The following ADAM23 variants were observed in gnomAD, a reference collection of about 807,000 sequenced individuals.
ADAM23 encodes the protein disintegrin and metalloproteinase domain-containing protein 23.
A neutral mutation model predicts 120.1 loss-of-function variants in ADAM23; 33 were observed. That is an observed-to-expected ratio of 0.27 (90% CI 0.21 to 0.37). The LOEUF is 0.37. Ranked by LOEUF, ADAM23 falls within the 10% of genes least tolerant of loss-of-function variation. The pLI is 1.00. For synonymous variants in ADAM23, 367 were observed against 375.2 expected (o/e 0.98, Z 0.25); for missense variants, 862 against 1,058.2 (o/e 0.81, Z 2.57).
At chr2:206,548,461 C>A in intron 8 of ADAM23, 107 bp downstream of exon 8, 2 of 1,082,250 alleles carry the variant, frequency 1.8e-6, no homozygotes, top group Non-Finnish European at 2.7e-6. Flanking sequence ...ATTTTGGGGA[C>A]TGTTGTTTAA....
intron 22 of ADAM23, 97 bp from the exon 23 acceptor site, chr2:206,594,640 T>G: frequency 7.2e-7 from 1 of 1,397,648 alleles, no homozygotes; most frequent in South Asian, 1.3e-5. Flanking sequence ...CCACATCCAC[T>G]GACAGCCTCT....
At chr2:206,557,119 A>C (rs1697661034) in intron 9 of ADAM23, among the ~76,000 whole-genome samples, 1 of 152,026 alleles carries the variant, frequency 6.6e-6, no homozygotes, top group Non-Finnish European at 1.5e-5. Flanking sequence ...TTGTAAAGAC[A>C]GGATCTCACT....
At chr2:206,447,375 A>G (rs557634537) in intron 2 of ADAM23, among the ~76,000 whole-genome samples, 4 of 152,350 alleles carry the variant, frequency 2.6e-5, no homozygotes, top group Admixed American at 6.5e-5. Context: ...TGCAAGCGGT[A>G]TGCTAAGTAT....
chr2:206,515,695 A>G (rs1696715716), intron 3 of ADAM23, among the ~76,000 whole-genome samples: 1 of 152,084 alleles, frequency 6.6e-6, no homozygotes, highest in African/African-American at 2.4e-5. Context: ...TTACTGTTTT[A>G]ATATAAATGG....
rs556923944 is a variant in ADAM23 at position 206,539,964 on chromosome 2, A to G, written c.574-2088A>G. Among the ~76,000 whole-genome samples the G allele has an allele frequency of 9.3e-4, 141 of 152,312 alleles. 5 individuals carry two copies. In the South Asian group the frequency reaches 0.029, roughly 31 times the overall value. Reference sequence around the variant, plus strand: ...ACAATTTAGCTATTAAAACTTTCTTATGATGATAAACATCAGAGATTGGAT... The same window carrying G: ...ACAATTTAGCTATTAAAACTTTCTTGTGATGATAAACATCAGAGATTGGAT... On this transcript the variant is annotated intron_variant, in intron 4 of 25. Coordinates refer to ENST00000264377, the MANE Select transcript of ADAM23 (RefSeq NM_003812.4).
At chr2:206,591,221 A>G (rs531912663) in intron 21 of ADAM23, among the ~76,000 whole-genome samples, 3 of 152,256 alleles carry the variant, frequency 2.0e-5, no homozygotes, top group Admixed American at 6.5e-5. Flanking sequence ...ACAAATAAAT[A>G]TACATTTTAC....
At chr2:206,589,605 T>G (rs1305192395) in intron 21 of ADAM23, 91 bp downstream of exon 21, 1 of 1,036,978 alleles carries the variant, frequency 9.6e-7, no homozygotes, top group African/African-American at 1.6e-5. Context: ...GCTAATGATT[T>G]TTTTCTAAGT....
chr2:206,540,064 C>A (rs10196168), intron 4 of ADAM23, among the ~76,000 whole-genome samples: 27,653 of 152,054 alleles, frequency 0.18, 2,966 homozygotes, highest in African/African-American at 0.3. Flanking sequence ...TGCCTGTAAT[C>A]CCAGCTACTC....
At chr2:206,600,452 A>G (rs1391457363) in intron 24 of ADAM23, among the ~76,000 whole-genome samples, 1 of 152,218 alleles carries the variant, frequency 6.6e-6, no homozygotes, top group East Asian at 1.9e-4. Flanking sequence ...AAAATTCAAG[A>G]AACATAATGA....
chr2:206,579,590 G>T (rs935518067), intron 18 of ADAM23, among the ~76,000 whole-genome samples: 1 of 152,104 alleles, frequency 6.6e-6, no homozygotes, highest in Non-Finnish European at 1.5e-5. Flanking sequence ...TGGTCTATAT[G>T]CCTATTTTTA....
At chr2:206,570,716 C>T (rs978652344) in intron 15 of ADAM23, 24 bp from the exon 16 acceptor site, 1 of 1,597,914 alleles carries the variant, frequency 6.3e-7, no homozygotes, top group Non-Finnish European at 8.6e-7. Context: ...AAACATTTTT[C>T]CCTTCTGTCC....
chr2:206,522,438 A>G (rs900999132), intron 3 of ADAM23, among the ~76,000 whole-genome samples: 2 of 152,150 alleles, frequency 1.3e-5, no homozygotes, highest in Non-Finnish European at 2.9e-5. Flanking sequence ...ACAGATGTGC[A>G]GTTTTTCTGT....
intron 2 of ADAM23, among the ~76,000 whole-genome samples, chr2:206,475,521 T>C (rs1695757683): frequency 6.6e-6 from 1 of 151,688 alleles, no homozygotes; most frequent in Non-Finnish European, 1.5e-5. Flanking sequence ...TGACATTTTA[T>C]TCTCATTGAT....
intron 24 of ADAM23, chr2:206,608,005 G>C (rs542454782): frequency 2.2e-6 from 1 of 448,888 alleles, no homozygotes. Flanking sequence ...AAAGCATAGA[G>C]TATGTACATG....
At position 206,567,342 on chromosome 2, in the gene ADAM23, T is replaced by TA; in HGVS notation, c.1494+21dup. Reference sequence around the variant, plus strand: ...ACAAAGGTTAGTAACTTAGAAAGCATACTAAGAAAGTATATTATTTCTCCA... The same window carrying TA: ...ACAAAGGTTAGTAACTTAGAAAGCATAACTAAGAAAGTATATTATTTCTCCA... On this transcript the variant is annotated intron_variant, in intron 15 of 25. Transcript: ENST00000264377. The TA allele has an allele frequency of 6.3e-7, 1 of 1,581,100 alleles. No individual in the cohort carries two copies. Among genetic ancestry groups the TA allele is most frequent in the African/African-American group, 1.3e-5 (1 of 74,198 alleles).
Position 206,596,474 on chromosome 2 carries a change from G to A in ADAM23, c.2359+312G>A, listed in dbSNP as rs557608522. Among the ~76,000 whole-genome samples, 21 of 152,142 alleles carry A rather than the reference G, an allele frequency of 1.4e-4. No individual in the cohort carries two copies. The South Asian group carries it at 1.9e-3, about 14-fold the overall frequency. Reference sequence around the variant, plus strand: ...GTAGTCACAAATTATTTTGCAGTTCGTCTAAGCTATGCCATTTTTCTAATA... The same window carrying A: ...GTAGTCACAAATTATTTTGCAGTTCATCTAAGCTATGCCATTTTTCTAATA... On this transcript the variant is annotated intron_variant, in intron 24 of 25. Coordinates refer to ENST00000264377, the MANE Select transcript of ADAM23 (RefSeq NM_003812.4).
intron 3 of ADAM23, among the ~76,000 whole-genome samples, chr2:206,496,912 T>C (rs958630386): frequency 1.3e-5 from 2 of 152,152 alleles, no homozygotes; most frequent in African/African-American, 4.8e-5. Flanking sequence ...AAGAAATGGA[T>C]AAATTCCTCG....
At chr2:206,573,470 A>G (rs555237018) in intron 18 of ADAM23, among the ~76,000 whole-genome samples, 2 of 152,290 alleles carry the variant, frequency 1.3e-5, no homozygotes, top group Admixed American at 6.5e-5. Context: ...ACATTGAACC[A>G]TTGAACCCTC....
intron 5 of ADAM23, 95 bp downstream of exon 5, chr2:206,542,229 T>C (rs1697305406): frequency 8.1e-7 from 1 of 1,232,498 alleles, no homozygotes; most frequent in South Asian, 1.2e-5. Flanking sequence ...GTGCCAGTGC[T>C]GTGTTAGGGA....
Sources: gnomAD v4.1 joint callset for allele counts (sites outside exome capture counted in the v4.1 genomes callset) on GRCh38, gnomAD v4.1.1 for gene constraint, MANE v1.5 for transcripts, NCBI Gene and HGNC (gene_info 2026-07-23, HGNC 2026-07-21) for gene names.